The following PCGF5 variants were observed in gnomAD, a reference collection of about 807,000 sequenced individuals.
PCGF5 encodes polycomb group RING finger protein 5.
In PCGF5, 9 loss-of-function variants were observed where a neutral mutation model predicts 44.3. The ratio of observed to expected loss-of-function variants is 0.20; its 90% CI spans 0.12 to 0.35. The LOEUF (loss-of-function observed/expected upper bound fraction) is 0.35, where lower values mean the gene tolerates loss of function less well. PCGF5 is among the 10% of genes least tolerant of loss of function. The pLI is 1.00. For synonymous variants in PCGF5, 95 were observed against 102.5 expected (o/e 0.93, Z 0.44); for missense variants, 146 against 305.3 (o/e 0.48, Z 3.89).
chr10:91,219,317 C>T (rs927211581), upstream of PCGF5, among the ~76,000 whole-genome samples: 3 of 152,110 alleles, frequency 2.0e-5, no homozygotes, highest in Non-Finnish European at 4.4e-5. Context: ...ACATTTAAGC[C>T]CCCTGGACTC....
chr10:91,193,315 C>G (rs1844067916), intron 1 of PCGF5, among the ~76,000 whole-genome samples: 1 of 152,072 alleles, frequency 6.6e-6, no homozygotes, highest in Admixed American at 6.5e-5. Flanking sequence ...AGTAGAGGAC[C>G]CAGCTCAGCC....
intron 1 of PCGF5, among the ~76,000 whole-genome samples, chr10:91,176,334 G>T (rs1203190172): frequency 6.6e-6 from 1 of 152,170 alleles, no homozygotes; most frequent in Non-Finnish European, 1.5e-5. Context: ...CTCTCTGACT[G>T]CCCTTAACAT....
rs1452222789 is a variant in PCGF5 at position 91,170,002 on chromosome 10, AGGTAATACAGT to A, written c.-184+6924_-184+6934del. Among the ~76,000 whole-genome samples the A allele has an allele frequency of 2.0e-5, 3 of 152,380 alleles. No individual in the cohort carries two copies. In the East Asian group the frequency reaches 5.8e-4, roughly 29 times the overall value. ...CAAGTGATCTTTGACAAAGAAGCAA[AGGTAATACAGT>A]GGAGAAAGGATAGTCTTTTCAGCAA... On this transcript the variant is annotated intron_variant, in intron 1 of 9. Coordinates refer to the PCGF5 transcript ENST00000614189.
At chr10:91,261,535 T>G (rs1845908583) in intron 7 of PCGF5, 111 bp downstream of exon 7, 3 of 1,231,846 alleles carry the variant, frequency 2.4e-6, no homozygotes, top group Admixed American at 3.6e-5. Context: ...GTGGAAACTT[T>G]GATTATTTTT....
intron 1 of PCGF5, among the ~76,000 whole-genome samples, chr10:91,169,122 C>G (rs1843558508): frequency 6.6e-6 from 1 of 151,852 alleles, no homozygotes; most frequent in Non-Finnish European, 1.5e-5. Context: ...CAGGGCAGTG[C>G]TAGTTCACAC....
intron 1 of PCGF5, among the ~76,000 whole-genome samples, chr10:91,184,729 T>G (rs907613708): frequency 6.6e-6 from 1 of 152,140 alleles, no homozygotes; most frequent in South Asian, 2.1e-4. Flanking sequence ...GTTTTGTTTT[T>G]TTTTTCCTAT....
chr10:91,256,145 C>T (rs1467945025), intron 6 of PCGF5, among the ~76,000 whole-genome samples: 1 of 152,018 alleles, frequency 6.6e-6, no homozygotes, highest in Non-Finnish European at 1.5e-5. Context: ...AGACATTGTA[C>T]TTATTAGGCA....
intron 1 of PCGF5, among the ~76,000 whole-genome samples, chr10:91,164,159 G>C (rs1843451658): frequency 6.6e-6 from 1 of 152,200 alleles, no homozygotes; most frequent in South Asian, 2.1e-4. Flanking sequence ...CAGGGAGAGT[G>C]GCCCCTCTGC....
intron 2 of PCGF5, among the ~76,000 whole-genome samples, chr10:91,230,107 GT>G (rs1440281123): frequency 6.6e-6 from 1 of 152,174 alleles, no homozygotes; most frequent in Non-Finnish European, 1.5e-5. Context: ...AGCAAGGAAT[GT>G]TTAAATAGTT....
At chr10:91,196,055 C>G (rs1399121705) in intron 1 of PCGF5, among the ~76,000 whole-genome samples, 1 of 151,276 alleles carries the variant, frequency 6.6e-6, no homozygotes, top group Non-Finnish European at 1.5e-5. Context: ...CCCTACTGGT[C>G]AAGTGTTGCC....
intron 2 of PCGF5, among the ~76,000 whole-genome samples, chr10:91,239,838 A>G (rs1845275998): frequency 1.3e-5 from 2 of 152,106 alleles, no homozygotes; most frequent in African/African-American, 4.8e-5. Flanking sequence ...TAGAATCTTT[A>G]TTTGAAATTT....
intron 6 of PCGF5, among the ~76,000 whole-genome samples, chr10:91,253,891 C>A (rs914969593): frequency 6.6e-6 from 1 of 151,962 alleles, no homozygotes; most frequent in Non-Finnish European, 1.5e-5. Context: ...CATTATAGCA[C>A]TAAAGCAGCA....
intron 1 of PCGF5, among the ~76,000 whole-genome samples, chr10:91,221,642 A>G (rs1399270401): frequency 6.6e-6 from 1 of 152,054 alleles, no homozygotes; most frequent in African/African-American, 2.4e-5. Context: ...AAGATGGGGG[A>G]AAGTTCCTGT....
intron 6 of PCGF5, among the ~76,000 whole-genome samples, chr10:91,252,215 G>A (rs959311745): frequency 4.6e-5 from 7 of 151,846 alleles, no homozygotes; most frequent in Middle Eastern, 3.4e-3. Flanking sequence ...TGAGAATATT[G>A]TTTATCTCTC....
At chr10:91,185,916 A>G (rs1032090419) in intron 1 of PCGF5, among the ~76,000 whole-genome samples, 8 of 146,356 alleles carry the variant, frequency 5.5e-5, no homozygotes, top group South Asian at 2.1e-4. Context: ...ATTAGTCCCA[A>G]TGCAGGTACC....
intron 1 of PCGF5, among the ~76,000 whole-genome samples, chr10:91,174,401 G>A (rs1843664773): frequency 6.6e-6 from 1 of 152,120 alleles, no homozygotes. Context: ...CAGCCACTGG[G>A]GAGGCTGAGG....
At position 91,235,750 on chromosome 10, in the gene PCGF5, A is replaced by T. The variant is rs114226193; in HGVS notation, c.113-4734A>T. Among the ~76,000 whole-genome samples, 1,363 of 152,222 alleles carry T rather than the reference A, an allele frequency of 9.0e-3. 17 individuals are homozygous for T. The highest frequency in any genetic ancestry group is 0.031 in the African/African-American group (1,292 of 41,548). On this transcript the variant is annotated intron_variant, in intron 2 of 9. Transcript: ENST00000336126. The stretch of plus-strand genomic sequence containing the variant: ...GAGATCTGGTGGTTTTAAAAAGAGG[A>T]GTTCCCTTGCACAAACTCTCTTTTT...
intron 6 of PCGF5, among the ~76,000 whole-genome samples, chr10:91,257,141 C>A (rs1845775877): frequency 6.6e-6 from 1 of 151,352 alleles, no homozygotes; most frequent in East Asian, 1.9e-4. Flanking sequence ...TGGAAAAAGG[C>A]AAAAGGCTTG....
At position 91,191,794 on chromosome 10, in the gene PCGF5, G is replaced by A. The variant is rs192439004; in HGVS notation, c.-184+28713G>A. On this transcript the variant is annotated intron_variant, in intron 1 of 9. Coordinates refer to the PCGF5 transcript ENST00000614189. ...TTTGACCTAGTTGGGACAAGTACAAGGCTGGTAGGCAAAGTCTCACTGTCT... is the reference window on the plus strand; with the variant it reads ...TTTGACCTAGTTGGGACAAGTACAAAGCTGGTAGGCAAAGTCTCACTGTCT... Among the ~76,000 whole-genome samples the A allele has an allele frequency of 3.2e-3, 480 of 152,310 alleles. 4 individuals are homozygous for A. The highest frequency in any genetic ancestry group is 5.6e-3 in the Non-Finnish European group (379 of 68,024).
Sources: allele counts gnomAD v4.1 joint callset (sites outside exome capture counted in the v4.1 genomes callset), GRCh38; gene constraint gnomAD v4.1.1; transcripts MANE v1.5; gene names NCBI Gene and HGNC (gene_info 2026-07-23, HGNC 2026-07-21).